Variants in PRIM2 observed in about 807,000 individuals in gnomAD.
PRIM2 encodes the protein DNA primase subunit 2.
Under a neutral mutation model 67.3 loss-of-function variants are expected in PRIM2, and 39 were observed. The observed-to-expected ratio is 0.58, with a 90% CI of 0.45 to 0.76. The LOEUF is 0.76. Among genes scored for constraint, PRIM2 ranks in the 30% least tolerant of loss-of-function variants. The probability of loss-of-function intolerance (pLI) is 0.00; values close to 1 mark genes in which losing one functional copy is unlikely to be tolerated. For missense variants in PRIM2, 398 were observed against 598.7 expected (o/e 0.66, Z 3.50); for synonymous variants, 143 against 198.7 (o/e 0.72, Z 2.36).
At chr6:57,389,674 T>G (rs2397261) in intron 7 of PRIM2, among the ~76,000 whole-genome samples, 2 of 152,334 alleles carry the variant, frequency 1.3e-5, no homozygotes, top group South Asian at 2.1e-4. Flanking sequence ...GGCTCACTAA[T>G]TATTTGTTCG....
intron 7 of PRIM2, among the ~76,000 whole-genome samples, chr6:57,437,586 A>G (rs1215538908): frequency 6.6e-6 from 1 of 151,726 alleles, no homozygotes; most frequent in African/African-American, 2.4e-5. Context: ...CATTTTCAGT[A>G]TAGAATTTTA....
intron 10 of PRIM2, among the ~76,000 whole-genome samples, chr6:57,570,969 G>A: frequency 6.6e-6 from 1 of 151,954 alleles, no homozygotes. Context: ...TATGCACAGG[G>A]GCAATTTACA....
chr6:57,453,009 G>T (rs1581918902), intron 7 of PRIM2, among the ~76,000 whole-genome samples: 1 of 152,172 alleles, frequency 6.6e-6, no homozygotes, highest in African/African-American at 2.4e-5. Context: ...CATATGGCTA[G>T]CCAGTTTTCC....
intron 5 of PRIM2, among the ~76,000 whole-genome samples, chr6:57,376,126 A>G (rs1769755184): frequency 1.3e-5 from 2 of 152,286 alleles, no homozygotes; most frequent in African/African-American, 2.4e-5. Flanking sequence ...TTACTCAGAA[A>G]GTTCAATTAC....
chr6:57,421,726 A>C (rs138552946), intron 7 of PRIM2, among the ~76,000 whole-genome samples: 1 of 152,344 alleles, frequency 6.6e-6, no homozygotes, highest in Admixed American at 6.5e-5. Context: ...CCAAATGAGA[A>C]GCTTGACTAT....
chr6:57,306,654 C>T, the PRIM2 span, among the ~76,000 whole-genome samples: 127,521 of 152,082 alleles, frequency 0.84, 53,662 homozygotes, highest in East Asian at 0.99. Flanking sequence ...CAGCAGTCCG[C>T]GTCCTGAAAC....
In PRIM2 at chr6:57,484,957, C is replaced by T. The variant is rs1222683673; in HGVS notation, c.694-22430C>T. Among the ~76,000 whole-genome samples, 981 of 152,226 alleles carry T rather than the reference C, an allele frequency of 6.4e-3. 2 individuals carry two copies. The highest frequency in any genetic ancestry group is 9.9e-3 in the Non-Finnish European group (671 of 68,014). ...GACTTTGCCTTGTTCATGTCTCTGT[C>T]CTTAGCATCTAGAATAGTGACTGTC... On this transcript the variant is annotated intron_variant, in intron 7 of 13. Coordinates refer to ENST00000615550, the MANE Select transcript of PRIM2 (RefSeq NM_000947.5).
intron 10 of PRIM2, among the ~76,000 whole-genome samples, chr6:57,592,365 A>C (rs1776295332): frequency 6.6e-6 from 1 of 152,216 alleles, no homozygotes; most frequent in African/African-American, 2.4e-5. Context: ...GCACATATAC[A>C]TGGCTCTTTT....
intron 10 of PRIM2, among the ~76,000 whole-genome samples, chr6:57,542,023 T>C (rs1404819714): frequency 6.9e-6 from 1 of 145,696 alleles, no homozygotes; most frequent in Non-Finnish European, 1.5e-5. Context: ...TCACCCAGGC[T>C]GGAGTGCAGT....
At chr6:57,409,919 T>C (rs1303309875) in intron 7 of PRIM2, among the ~76,000 whole-genome samples, 1 of 152,232 alleles carries the variant, frequency 6.6e-6, no homozygotes, top group Non-Finnish European at 1.5e-5. Flanking sequence ...TGAAATTTTA[T>C]AGTTTTAGCT....
At chr6:57,467,703 T>C (rs1773239460) in intron 7 of PRIM2, among the ~76,000 whole-genome samples, 1 of 152,230 alleles carries the variant, frequency 6.6e-6, no homozygotes, top group Non-Finnish European at 1.5e-5. Flanking sequence ...ATTGAATATA[T>C]AAATTACTTT....
At chr6:57,488,673 C>T (rs2127408674) in intron 7 of PRIM2, among the ~76,000 whole-genome samples, 1 of 152,320 alleles carries the variant, frequency 6.6e-6, no homozygotes, top group African/African-American at 2.4e-5. Flanking sequence ...CAGCCCACCA[C>T]ATGGTTGCAA....
intron 13 of PRIM2, among the ~76,000 whole-genome samples, chr6:57,641,846 C>G (rs1429044168): frequency 2.0e-5 from 3 of 152,084 alleles, no homozygotes; most frequent in Non-Finnish European, 2.9e-5. Context: ...GATCTAGAAC[C>G]AGAAATATCA....
At chr6:57,257,335 A>G in the PRIM2 span, among the ~76,000 whole-genome samples, 1 of 150,508 alleles carries the variant, frequency 6.6e-6, no homozygotes, top group Non-Finnish European at 1.5e-5. Flanking sequence ...GCAATGGCGC[A>G]ATCTCGGCTC....
intron 10 of PRIM2, among the ~76,000 whole-genome samples, chr6:57,581,235 G>A (rs1776079524): frequency 6.6e-6 from 1 of 152,020 alleles, no homozygotes; most frequent in African/African-American, 2.4e-5. Context: ...CCAACTATCT[G>A]GGACTAGCAA....
At chr6:57,493,764 A>G (rs1219119684) in intron 7 of PRIM2, 4 of 152,198 alleles carry the variant, frequency 2.6e-5, no homozygotes, top group African/African-American at 9.6e-5. Flanking sequence ...GGCTGCTTCA[A>G]AATAATACTA....
intron 5 of PRIM2, among the ~76,000 whole-genome samples, chr6:57,353,030 A>G (rs1433210323): frequency 2.0e-5 from 3 of 151,810 alleles, no homozygotes; most frequent in Non-Finnish European, 4.4e-5. Flanking sequence ...TTTAAAGGTA[A>G]TGAGAAATTA....
chr6:57,374,535 G>A (rs1375921798), intron 5 of PRIM2, among the ~76,000 whole-genome samples: 11 of 149,632 alleles, frequency 7.4e-5, no homozygotes, highest in Non-Finnish European at 1.2e-4. Flanking sequence ...CTCGTGATCC[G>A]CCCGTCTCGG....
chr6:57,240,294 C>T, the PRIM2 span, among the ~76,000 whole-genome samples: 55 of 151,934 alleles, frequency 3.6e-4, no homozygotes, highest in African/African-American at 1.3e-3. Context: ...TAGAGATGGG[C>T]TTCTCTATGT....
Sources: gnomAD v4.1 joint callset for allele counts (sites outside exome capture counted in the v4.1 genomes callset) on GRCh38, gnomAD v4.1.1 for gene constraint, MANE v1.5 for transcripts, NCBI Gene and HGNC (gene_info 2026-07-23, HGNC 2026-07-21) for gene names.